Variants in MAN1A1 observed in about 807,000 individuals in gnomAD.
The protein encoded by MAN1A1 is mannosidase alpha class 1A member 1, also known as mannosyl-oligosaccharide 1,2-alpha-mannosidase IA.
A neutral mutation model predicts 70.8 loss-of-function variants in MAN1A1; 29 were observed. The observed-to-expected ratio is 0.41, with a 90% confidence interval of 0.31 to 0.56. MAN1A1 has a LOEUF of 0.56. Among genes scored for constraint, MAN1A1 ranks in the 20% least tolerant of loss-of-function variants. MAN1A1 has a pLI of 0.29. For missense variants in MAN1A1, 747 were observed against 841.3 expected, an observed-to-expected ratio of 0.89 and a Z score of 1.39; for synonymous variants, 349 against 330.1, an observed-to-expected ratio of 1.06 and a Z score of -0.62.
At chr6:119,335,924 CTGTGACTTCAT>C (rs1400680831) in intron 2 of MAN1A1, among the ~76,000 whole-genome samples, 1 of 152,224 alleles carries the variant, frequency 6.6e-6, no homozygotes, top group Non-Finnish European at 1.5e-5. Context: ...TGTGACTTCA[CTGTGACTTCAT>C]TCTAGAGCAA....
At chr6:119,245,499 C>A (rs985872667) in intron 6 of MAN1A1, among the ~76,000 whole-genome samples, 6 of 152,014 alleles carry the variant, frequency 3.9e-5, no homozygotes, top group Non-Finnish European at 8.8e-5. Flanking sequence ...CGCTTCTTGC[C>A]CTACAGGAAA....
At chr6:119,339,876 AGAT>A (rs1356477139) in intron 2 of MAN1A1, among the ~76,000 whole-genome samples, 1 of 152,140 alleles carries the variant, frequency 6.6e-6, no homozygotes, top group African/African-American at 2.4e-5. Context: ...GGATCACTTG[AGAT>A]CAGGAATTTG....
Position 119,201,718 on chromosome 6 carries a change from GCA to G in MAN1A1, c.1117-373_1117-372del, listed in dbSNP as rs371680174. 2.0e-5 allele frequency among the ~76,000 whole-genome samples: 3 copies of G among 152,258 alleles called. No homozygotes were observed. In the East Asian group the frequency reaches 5.8e-4, roughly 29 times the overall value. The stretch of plus-strand genomic sequence containing the variant: ...TTAATTCTTGTACAAACATCATAGA[GCA>G]CACTGTCACAAATGTAGTTGGCACA... On this transcript the variant is annotated intron_variant, in intron 7 of 12. Coordinates refer to ENST00000368468, the MANE Select transcript of MAN1A1 (RefSeq NM_005907.4).
chr6:119,342,386 T>A (rs557264988), intron 2 of MAN1A1, among the ~76,000 whole-genome samples: 1 of 152,208 alleles, frequency 6.6e-6, no homozygotes, highest in African/African-American at 2.4e-5. Context: ...GTAACAGCAA[T>A]AATCACAAGC....
chr6:119,276,079 A>G lies in MAN1A1; in HGVS notation c.897+14604T>C, dbSNP rs148962594. On this transcript the variant is annotated intron_variant, in intron 5 of 12. Transcript: ENST00000368468. ...TCTTCTTCTTCATTCCAAAGGAAAG[A>G]AAGAAATGAACCATCAATACAGAAC... Among the ~76,000 whole-genome samples the G allele has an allele frequency of 6.4e-4, 97 of 152,330 alleles. 1 individual carries two copies. The East Asian group carries it at 0.016, about 25-fold the overall frequency.
intron 6 of MAN1A1, among the ~76,000 whole-genome samples, chr6:119,211,264 T>C (rs1774043286): frequency 6.6e-6 from 1 of 152,252 alleles, no homozygotes; most frequent in Non-Finnish European, 1.5e-5. Flanking sequence ...GGATCATCTA[T>C]GGCTTAAGAC....
chr6:119,196,820 TATAG>T (rs1773580974), intron 8 of MAN1A1, among the ~76,000 whole-genome samples: 1 of 152,164 alleles, frequency 6.6e-6, no homozygotes, highest in Non-Finnish European at 1.5e-5. Context: ...CTAGACTAGA[TATAG>T]ATAGATGGAT....
intron 4 of MAN1A1, among the ~76,000 whole-genome samples, chr6:119,296,441 T>A (rs1403470983): frequency 6.6e-6 from 1 of 152,152 alleles, no homozygotes; most frequent in Non-Finnish European, 1.5e-5. Flanking sequence ...TTTAACAGGA[T>A]AATTAACTTA....
At chr6:119,348,351 C>A in intron 2 of MAN1A1, 112 bp downstream of exon 2, 1 of 1,097,686 alleles carries the variant, frequency 9.1e-7, no homozygotes, top group South Asian at 1.6e-5. Flanking sequence ...AAGGGGCAAA[C>A]CTCCATCTCC....
intron 2 of MAN1A1, among the ~76,000 whole-genome samples, chr6:119,343,552 AG>A (rs1217214038): frequency 6.6e-6 from 1 of 152,004 alleles, no homozygotes; most frequent in African/African-American, 2.4e-5. Flanking sequence ...ACAGATTGAG[AG>A]GTTGGGGGTG....
chr6:119,318,751 T>C (rs930100383), intron 2 of MAN1A1, among the ~76,000 whole-genome samples: 4 of 152,182 alleles, frequency 2.6e-5, no homozygotes, highest in Admixed American at 1.3e-4. Flanking sequence ...TGACATATAC[T>C]GAAACAGAAC....
chr6:119,297,791 GT>G (rs201490019), intron 4 of MAN1A1, among the ~76,000 whole-genome samples: 4 of 83,026 alleles, frequency 4.8e-5, no homozygotes, highest in Admixed American at 4.7e-4. Flanking sequence ...CCAGGCTGGA[GT>G]TTTTTTGTTT....
At chr6:119,275,237 A>T (rs1386793241) in intron 5 of MAN1A1, among the ~76,000 whole-genome samples, 1 of 126,272 alleles carries the variant, frequency 7.9e-6, no homozygotes, top group Non-Finnish European at 1.6e-5. Context: ...CAGCCTCCTG[A>T]GTAGCTGGGA....
intron 8 of MAN1A1, among the ~76,000 whole-genome samples, chr6:119,198,348 C>T (rs779491601): frequency 2.0e-5 from 3 of 152,268 alleles, no homozygotes; most frequent in South Asian, 2.1e-4. Context: ...TGAGGCTGTG[C>T]CACTGCACTC....
chr6:119,275,916 T>G (rs1367387737), intron 5 of MAN1A1, among the ~76,000 whole-genome samples: 4 of 152,252 alleles, frequency 2.6e-5, no homozygotes, highest in Admixed American at 1.3e-4. Flanking sequence ...TCATGTCCTA[T>G]ATGGCTAAGG....
intron 6 of MAN1A1, among the ~76,000 whole-genome samples, chr6:119,221,949 C>T (rs1774374423): frequency 1.3e-5 from 2 of 152,118 alleles, no homozygotes; most frequent in Non-Finnish European, 2.9e-5. Flanking sequence ...TATTAATATA[C>T]TTTTGGGAAA....
intron 11 of MAN1A1, among the ~76,000 whole-genome samples, chr6:119,184,218 G>A (rs1773228194): frequency 6.6e-6 from 1 of 152,050 alleles, no homozygotes; most frequent in Non-Finnish European, 1.5e-5. Context: ...ACTATAATCT[G>A]TTCTTGGGAT....
intron 6 of MAN1A1, among the ~76,000 whole-genome samples, chr6:119,215,892 T>G (rs1774186044): frequency 6.6e-6 from 1 of 152,180 alleles, no homozygotes; most frequent in African/African-American, 2.4e-5. Flanking sequence ...TGGAGTCTGA[T>G]GAGAAGCTTC....
chr6:119,278,316 T>C (rs1047205053), intron 5 of MAN1A1, among the ~76,000 whole-genome samples: 10 of 152,356 alleles, frequency 6.6e-5, no homozygotes, highest in African/African-American at 2.4e-4. Context: ...CTGATATTCA[T>C]TTTGTTTACA....
Sources: gnomAD v4.1 joint callset for allele counts (sites outside exome capture counted in the v4.1 genomes callset) on GRCh38, gnomAD v4.1.1 for gene constraint, MANE v1.5 for transcripts, NCBI Gene and HGNC (gene_info 2026-07-23, HGNC 2026-07-21) for gene names.